The following ARHGAP22 variants were observed in gnomAD, a reference collection of about 807,000 sequenced individuals.
ARHGAP22 encodes Rho GTPase activating protein 22.
In ARHGAP22, 48 loss-of-function variants were observed where a neutral mutation model predicts 59.1. That is an observed-to-expected ratio of 0.81 (90% CI 0.64 to 1.03). The LOEUF is 1.03. ARHGAP22 is among the 50% of genes least tolerant of loss of function. The pLI, the probability that ARHGAP22 is intolerant of heterozygous loss-of-function variation, is 0.00. For synonymous variants in ARHGAP22, 445 were observed against 416.4 expected (o/e 1.07, Z -0.84); for missense variants, 1,015 against 958.7 (o/e 1.06, Z -0.78).
At chr10:48,648,868 G>A (rs2062429449) in intron 1 of ARHGAP22, among the ~76,000 whole-genome samples, 1 of 152,180 alleles carries the variant, frequency 6.6e-6, no homozygotes, top group African/African-American at 2.4e-5. Context: ...AAGTGGCCTG[G>A]GCATCCATAT....
intron 1 of ARHGAP22, among the ~76,000 whole-genome samples, chr10:48,624,708 T>G (rs528161265): frequency 2.0e-5 from 3 of 152,324 alleles, no homozygotes; most frequent in African/African-American, 7.2e-5. Context: ...AAGACAGCTA[T>G]TATTTTGAGC....
At chr10:48,648,269 A>G (rs1689809641) in intron 1 of ARHGAP22, among the ~76,000 whole-genome samples, 1 of 152,152 alleles carries the variant, frequency 6.6e-6, no homozygotes. Context: ...ATGGGAAAGG[A>G]GTATGGGAAG....
the ARHGAP22 span, among the ~76,000 whole-genome samples, chr10:48,434,162 A>G: frequency 6.6e-6 from 1 of 152,160 alleles, no homozygotes; most frequent in South Asian, 2.1e-4. Context: ...CTTTCGGCAA[A>G]GGAAACTGTT....
chr10:48,514,301 T>G (rs1357555052), intron 3 of ARHGAP22, among the ~76,000 whole-genome samples: 1 of 152,112 alleles, frequency 6.6e-6, no homozygotes, highest in Non-Finnish European at 1.5e-5. Context: ...GATTTACACC[T>G]AGACACATCA....
At chr10:48,434,978 TAC>T in the ARHGAP22 span, 1 of 1,425,222 alleles carries the variant, frequency 7.0e-7, no homozygotes, top group Non-Finnish European at 9.4e-7. Flanking sequence ...TGGCCTCTGA[TAC>T]AGACAGCAGT....
chr10:48,432,237 G>A, the ARHGAP22 span, among the ~76,000 whole-genome samples: 1 of 152,080 alleles, frequency 6.6e-6, no homozygotes, highest in Non-Finnish European at 1.5e-5. Flanking sequence ...TTCTACTTTT[G>A]AGGAAAAAAA....
At chr10:48,652,286 A>G (rs545836917) in exon 1 of ARHGAP22, 1 of 1,535,714 alleles carries the variant, frequency 6.5e-7, no homozygotes, top group South Asian at 1.2e-5. Flanking sequence ...TCGGCAGCAT[A>G]ATGAAGCTGG....
At chr10:48,467,047 G>C (rs1353007813) in intron 4 of ARHGAP22, among the ~76,000 whole-genome samples, 1 of 152,238 alleles carries the variant, frequency 6.6e-6, no homozygotes, top group African/African-American at 2.4e-5. Context: ...ACCCAGCAAG[G>C]AGGAGGTGCT....
At chr10:48,561,785 A>T (rs948726208) in intron 2 of ARHGAP22, among the ~76,000 whole-genome samples, 1 of 152,242 alleles carries the variant, frequency 6.6e-6, no homozygotes, top group Non-Finnish European at 1.5e-5. Context: ...CCATAATTGG[A>T]TACCACTACA....
intron 2 of ARHGAP22, among the ~76,000 whole-genome samples, chr10:48,560,389 A>G (rs1480954252): frequency 6.6e-6 from 1 of 152,142 alleles, no homozygotes; most frequent in Non-Finnish European, 1.5e-5. Flanking sequence ...CTCATTTTTT[A>G]CTTCAGTAGA....
Position 48,638,382 on chromosome 10 carries a change from G to A in ARHGAP22, c.52+13852C>T, listed in dbSNP as rs760635525. 3.4e-4 allele frequency among the ~76,000 whole-genome samples: 51 copies of A among 152,016 alleles called. 1 individual carries two copies. Among genetic ancestry groups the A allele is most frequent in the Non-Finnish European group, 1.6e-4 (11 of 68,002 alleles). The stretch of plus-strand genomic sequence containing the variant: ...GCCTTGGGCAGCTTCTTCAACTCGC[G>A]GGCCAGGAGTGTGTGTGTTGTGTGT... On this transcript the variant is annotated intron_variant, in intron 1 of 9. Transcript: ENST00000435790.
intron 3 of ARHGAP22, among the ~76,000 whole-genome samples, chr10:48,483,674 C>T (rs567085608): frequency 3.9e-5 from 6 of 152,120 alleles, no homozygotes; most frequent in South Asian, 2.1e-4. Flanking sequence ...TACCTCTTCA[C>T]CATTTGTATG....
rs1009499875 is a variant in ARHGAP22, at chr10:48,596,179, C to T, written c.34+8584G>A. ...GGGCAGTGGGAAGCCGGGAGACACC[C>T]GAAGTGTTTGCTCTTTACTTCCATG... On this transcript the variant is annotated intron_variant, in intron 1 of 9. Coordinates refer to ENST00000249601, the MANE Select transcript of ARHGAP22 (RefSeq NM_021226.4). Among the ~76,000 whole-genome samples the T allele has an allele frequency of 4.6e-5, 7 of 152,342 alleles. 1 individual carries two copies. Among genetic ancestry groups the T allele is most frequent in the Non-Finnish European group, 4.4e-5 (3 of 68,036 alleles).
chr10:48,486,013 CTCTTT>C (rs1209934190), intron 3 of ARHGAP22, among the ~76,000 whole-genome samples: 1 of 151,964 alleles, frequency 6.6e-6, no homozygotes, highest in African/African-American at 2.4e-5. Context: ...TGTCCTTTTT[CTCTTT>C]TCTTGTCTTG....
At position 48,450,532 on chromosome 10, in the gene ARHGAP22, GGCAGGCCGT is replaced by G. The variant is rs1564661039; in HGVS notation, c.1588_1596del (p.Thr530_Cys532del). The G allele has an allele frequency of 1.3e-6, 2 of 1,518,278 alleles. No homozygotes were observed. Among genetic ancestry groups the G allele is most frequent in the South Asian group, 1.3e-5 (1 of 78,972 alleles). 94.1% of individuals were successfully genotyped at this position (1,518,278 alleles called of 1,614,324 possible). On this transcript the variant is annotated inframe_deletion, in exon 9 of 10. Coordinates refer to ENST00000249601, the MANE Select transcript of ARHGAP22 (RefSeq NM_021226.4). ...CTGCGGGCAGACGAGTCGCTGGCGC[GGCAGGCCGT>G]GCAGCTGCTGAGTGAGCCCCCCACC...
intron 2 of ARHGAP22, among the ~76,000 whole-genome samples, chr10:48,559,809 G>A (rs757877960): frequency 6.6e-6 from 1 of 152,046 alleles, no homozygotes; most frequent in African/African-American, 2.4e-5. Context: ...ATTTCAACAA[G>A]TAATCAATAT....
intron 1 of ARHGAP22, among the ~76,000 whole-genome samples, chr10:48,602,887 T>C (rs532063703): frequency 2.6e-5 from 4 of 152,302 alleles, no homozygotes; most frequent in Admixed American, 2.6e-4. Context: ...CTGGCAACAC[T>C]TGAACTATAC....
At position 48,549,769 on chromosome 10, in the gene ARHGAP22, C is replaced by T. The variant is rs117406141; in HGVS notation, c.322+5694G>A. Among the ~76,000 whole-genome samples the T allele has an allele frequency of 3.7e-4, 56 of 152,290 alleles. 1 individual carries two copies. In the East Asian group the frequency reaches 9.3e-3, roughly 25 times the overall value. ...AACTCAAACCTCCTCTCACTCAGTC[C>T]GCTTGTGAGGCCCATCTCATTCACC... is the stretch of plus-strand genomic sequence containing the variant. On this transcript the variant is annotated intron_variant, in intron 3 of 9. Coordinates refer to ENST00000249601, the MANE Select transcript of ARHGAP22 (RefSeq NM_021226.4).
intron 1 of ARHGAP22, among the ~76,000 whole-genome samples, chr10:48,587,271 G>A (rs978000500): frequency 6.6e-6 from 1 of 152,226 alleles, no homozygotes; most frequent in Non-Finnish European, 1.5e-5. Flanking sequence ...CCAGGGTTGG[G>A]GCTGCATCAG....
Sources: allele counts gnomAD v4.1 joint callset (sites outside exome capture counted in the v4.1 genomes callset), GRCh38; gene constraint gnomAD v4.1.1; transcripts MANE v1.5; gene names NCBI Gene and HGNC (gene_info 2026-07-23, HGNC 2026-07-21).